DCAF8L2: variants seen among roughly 807,000 people sequenced by gnomAD.
DCAF8L2 encodes DDB1- and CUL4-associated factor 8-like protein 2.
For synonymous variants in DCAF8L2, 200 were observed against 190.9 expected (o/e 1.05, Z -0.39); for missense variants, 430 against 490.7 (o/e 0.88, Z 1.17).
At chrX:27,492,813 A>T in the DCAF8L2 span, among the ~76,000 whole-genome samples, 1 of 112,130 alleles carries the variant, frequency 8.9e-6, no homozygotes, top group African/African-American at 3.2e-5. Flanking sequence ...ATGACCATCT[A>T]TTTACCACAA....
chrX:27,524,695 C>G, the DCAF8L2 span, among the ~76,000 whole-genome samples: 2 of 111,546 alleles, frequency 1.8e-5, no homozygotes, highest in African/African-American at 6.5e-5. Context: ...CTACACACTG[C>G]TTTGAATGTG....
chrX:27,651,030 T>G (rs1457674590), intron 2 of DCAF8L2, among the ~76,000 whole-genome samples: 2 of 112,073 alleles, frequency 1.8e-5, no homozygotes, highest in Admixed American at 1.9e-4. Context: ...ATCAAAAGCT[T>G]TTACCACATC....
chrX:27,704,810 G>T (rs1931286378), intron 3 of DCAF8L2, among the ~76,000 whole-genome samples: 1 of 111,050 alleles, frequency 9.0e-6, no homozygotes, highest in Admixed American at 9.6e-5. Flanking sequence ...ATTAAGACAT[G>T]AAATTTTTTA....
the DCAF8L2 span, among the ~76,000 whole-genome samples, chrX:27,493,487 G>C: frequency 3.6e-5 from 4 of 109,978 alleles, no homozygotes; most frequent in East Asian, 1.2e-3. Context: ...GATACAGGTG[G>C]ATCCCCTGAG....
chrX:27,744,131 T>C (rs1922038473), intron 4 of DCAF8L2, among the ~76,000 whole-genome samples: 1 of 111,517 alleles, frequency 9.0e-6, no homozygotes, highest in African/African-American at 3.3e-5. Flanking sequence ...CACTATTTAC[T>C]TTTTCTCGGG....
At chrX:27,568,946 AACACACACACACAC>A in the DCAF8L2 span, among the ~76,000 whole-genome samples, 41 of 86,563 alleles carry the variant, frequency 4.7e-4, no homozygotes, top group African/African-American at 1.6e-3. Context: ...TTGGAACTCA[AACACACACACACAC>A]ACACACACAC....
chrX:27,642,093 C>T (rs972001308), intron 2 of DCAF8L2, among the ~76,000 whole-genome samples: 1 of 108,017 alleles, frequency 9.3e-6, no homozygotes, highest in Non-Finnish European at 1.9e-5. Flanking sequence ...AGGGGTTTCA[C>T]CATGTTAGCC....
At chrX:27,525,094 T>G in the DCAF8L2 span, among the ~76,000 whole-genome samples, 2 of 111,640 alleles carry the variant, frequency 1.8e-5, no homozygotes, top group Non-Finnish European at 1.9e-5. Flanking sequence ...TTGTTAACTT[T>G]CTGTCTCGTT....
At chrX:27,604,466 A>G (rs753360108) in intron 1 of DCAF8L2, among the ~76,000 whole-genome samples, 5 of 111,460 alleles carry the variant, frequency 4.5e-5, no homozygotes, top group African/African-American at 1.6e-4. Flanking sequence ...CCATACATTC[A>G]TGAAGGATGC....
chrX:27,606,290 T>G (rs1926875639), intron 1 of DCAF8L2, among the ~76,000 whole-genome samples: 1 of 81,310 alleles, frequency 1.2e-5, no homozygotes, highest in Non-Finnish European at 2.3e-5. Context: ...TATATAGGAA[T>G]TATATATATA....
intron 1 of DCAF8L2, among the ~76,000 whole-genome samples, chrX:27,598,621 G>A (rs769556263): frequency 2.7e-5 from 3 of 111,968 alleles, no homozygotes; most frequent in Admixed American, 9.5e-5. Flanking sequence ...CTGCAAGTAC[G>A]CTTCCTGCAT....
intron 4 of DCAF8L2, among the ~76,000 whole-genome samples, chrX:27,742,741 T>G (rs1189527728): frequency 8.9e-6 from 1 of 111,990 alleles, no homozygotes; most frequent in Non-Finnish European, 1.9e-5. Context: ...TCTGGATAGT[T>G]ACATACATAA....
the DCAF8L2 span, among the ~76,000 whole-genome samples, chrX:27,472,514 A>T: frequency 9.0e-6 from 1 of 111,429 alleles, no homozygotes; most frequent in Non-Finnish European, 1.9e-5. Flanking sequence ...CCCCACATGC[A>T]TTAGGTATTT....
At chrX:27,743,698 ATTAT>A (rs750649421) in intron 4 of DCAF8L2, among the ~76,000 whole-genome samples, 11,964 of 86,649 alleles carry the variant, frequency 0.14, 968 homozygotes, top group East Asian at 0.23. Flanking sequence ...CCTGGCTTTT[ATTAT>A]TTATTTATTT....
chrX:27,549,707 C>G, the DCAF8L2 span, among the ~76,000 whole-genome samples: 1 of 111,408 alleles, frequency 9.0e-6, no homozygotes, highest in African/African-American at 3.3e-5. Flanking sequence ...ACAGCTTCTT[C>G]CCACTGATCT....
At chrX:27,582,006 T>C in the DCAF8L2 span, among the ~76,000 whole-genome samples, 2 of 112,426 alleles carry the variant, frequency 1.8e-5, no homozygotes, top group Non-Finnish European at 3.8e-5. Context: ...GATGTAGTTG[T>C]TCACTTGAAG....
At chrX:27,502,330 AAAAAAATATATATATATATATATATATAT>A in the DCAF8L2 span, among the ~76,000 whole-genome samples, 2 of 35,063 alleles carry the variant, frequency 5.7e-5, no homozygotes, top group Non-Finnish European at 4.7e-5. Flanking sequence ...AAAAAAAAAA[AAAAAAATATATATATATATATATATATAT>A]ATATATATAT....
the DCAF8L2 span, among the ~76,000 whole-genome samples, chrX:27,533,739 A>T: frequency 8.9e-6 from 1 of 112,503 alleles, no homozygotes; most frequent in Non-Finnish European, 1.9e-5. Flanking sequence ...AAATATCAAC[A>T]TACTTAAAGC....
Position 27,747,646 on chromosome X carries a change from A to C in DCAF8L2, c.751A>C (p.Lys251Gln), listed in dbSNP as rs1266672934. The change falls in exon 5 of 5, where the codon AAG (lysine) becomes CAG (glutamine). Residue 251 changes from lysine to glutamine, a missense_variant. Coordinates refer to ENST00000451261, the MANE Select transcript of DCAF8L2 (RefSeq NM_001353450.2). ...TRLASSGDDL[K>Q]VIVWDWVRQR... The stretch of plus-strand genomic sequence containing the variant: ...GCTGGCCAGTAGCGGTGATGACCTA[A>C]AGGTGATAGTGTGGGACTGGGTGCG... The C allele has an allele frequency of 1.7e-6, 2 of 1,208,294 alleles. No individual in the cohort carries two copies. The highest frequency in any genetic ancestry group is 5.9e-5 in the East Asian group (2 of 33,710).
Sources: gnomAD v4.1 joint callset for allele counts (sites outside exome capture counted in the v4.1 genomes callset) on GRCh38, gnomAD v4.1.1 for gene constraint, MANE v1.5 for transcripts, NCBI Gene and HGNC (gene_info 2026-07-23, HGNC 2026-07-21) for gene names.